The following PDE10A variants were observed in gnomAD, a reference collection of about 807,000 sequenced individuals.
PDE10A encodes cAMP and cAMP-inhibited cGMP 3',5'-cyclic phosphodiesterase 10A.
Under a neutral mutation model 97.7 loss-of-function variants are expected in PDE10A, and 39 were observed. The ratio of observed to expected loss-of-function variants is 0.40; its 90% confidence interval spans 0.31 to 0.52. PDE10A has a LOEUF of 0.52. PDE10A is among the 20% of genes least tolerant of loss of function. The pLI, the probability that PDE10A is intolerant of heterozygous loss-of-function variation, is 0.56. For missense variants in PDE10A, 731 were observed against 1,047.8 expected, an observed-to-expected ratio of 0.70 and a Z score of 4.17; for synonymous variants, 371 against 376.8, an observed-to-expected ratio of 0.98 and a Z score of 0.18.
At chr6:165,567,064 G>T (rs1392273716) in intron 1 of PDE10A, among the ~76,000 whole-genome samples, 3 of 152,118 alleles carry the variant, frequency 2.0e-5, no homozygotes, top group African/African-American at 7.2e-5. Flanking sequence ...GTCAACATTA[G>T]AACAGATAAA....
intron 1 of PDE10A, among the ~76,000 whole-genome samples, chr6:165,808,384 C>T (rs2128466844): frequency 6.7e-6 from 1 of 149,420 alleles, no homozygotes; most frequent in Middle Eastern, 3.4e-3. Flanking sequence ...GCGATTCACA[C>T]AGACAGCGGG....
At chr6:165,419,869 A>G (rs1788572156) in intron 10 of PDE10A, among the ~76,000 whole-genome samples, 1 of 152,218 alleles carries the variant, frequency 6.6e-6, no homozygotes. Flanking sequence ...ATCTCATATA[A>G]AATGTATAGA....
At chr6:165,364,047 T>A (rs980530181) in intron 18 of PDE10A, among the ~76,000 whole-genome samples, 2 of 152,128 alleles carry the variant, frequency 1.3e-5, no homozygotes, top group African/African-American at 4.8e-5. Flanking sequence ...CCCAGAATAG[T>A]GAAAACAATA....
intron 1 of PDE10A, among the ~76,000 whole-genome samples, chr6:165,826,182 T>C (rs144868567): frequency 6.6e-6 from 1 of 152,294 alleles, no homozygotes; most frequent in Non-Finnish European, 1.5e-5. Context: ...CCTTGCCTTT[T>C]ATTTTCCTCA....
chr6:165,735,369 G>C (rs1049332109), intron 1 of PDE10A, among the ~76,000 whole-genome samples: 4 of 87,242 alleles, frequency 4.6e-5, no homozygotes, highest in Non-Finnish European at 1.4e-4. Flanking sequence ...TAGGTGGGTG[G>C]GTAGGTAGGT....
intron 1 of PDE10A, among the ~76,000 whole-genome samples, chr6:165,955,958 C>T (rs548041411): frequency 6.6e-6 from 1 of 152,332 alleles, no homozygotes; most frequent in South Asian, 2.1e-4. Flanking sequence ...GCTACAACTT[C>T]TGAGCATATT....
chr6:165,540,508 T>C (rs556052442), intron 2 of PDE10A, among the ~76,000 whole-genome samples: 8 of 152,292 alleles, frequency 5.3e-5, no homozygotes, highest in African/African-American at 1.9e-4. Context: ...TCTGCCACAG[T>C]TTCTGTTCCT....
intron 1 of PDE10A, among the ~76,000 whole-genome samples, chr6:165,555,112 A>C (rs1462353491): frequency 6.6e-6 from 1 of 152,172 alleles, no homozygotes; most frequent in Non-Finnish European, 1.5e-5. Context: ...TTGATACCAC[A>C]TTAGGGTGAC....
chr6:165,955,177 C>T lies in PDE10A; in HGVS notation c.-615+32352G>A, dbSNP rs150878038. On this transcript the variant is annotated intron_variant, in intron 1 of 19. Coordinates refer to the PDE10A transcript ENST00000366882. The stretch of plus-strand genomic sequence containing the variant: ...TCGCACTCACCTTGGGGCTACAATC[C>T]CCAAGTTCTCCACATAGCCCGAGGG... Among the ~76,000 whole-genome samples the T allele has an allele frequency of 2.4e-4, 36 of 152,240 alleles. No homozygotes were observed. In the East Asian group the frequency reaches 6.6e-3, roughly 28 times the overall value.
Position 165,416,481 on chromosome 6 carries a change from G to A in PDE10A, c.1797-200C>T, listed in dbSNP as rs551516488. Reference sequence around the variant, plus strand: ...GAAAACCATTACACAGTAATCACCTGAGAACCTTAAAATATTAACTCACAA... The same window carrying A: ...GAAAACCATTACACAGTAATCACCTAAGAACCTTAAAATATTAACTCACAA... On this transcript the variant is annotated intron_variant, in intron 11 of 21. Transcript: ENST00000539869. 5.3e-5 allele frequency among the ~76,000 whole-genome samples: 8 copies of A among 152,272 alleles called. No individual in the cohort carries two copies. The South Asian group carries it at 1.7e-3, about 32-fold the overall frequency.
chr6:165,582,907 C>A (rs1034521737), intron 1 of PDE10A, among the ~76,000 whole-genome samples: 2 of 152,148 alleles, frequency 1.3e-5, no homozygotes, highest in African/African-American at 4.8e-5. Context: ...AGTATGTTTT[C>A]CTGTGTGTCT....
intron 1 of PDE10A, among the ~76,000 whole-genome samples, chr6:165,803,518 A>T (rs9347089): frequency 6.6e-6 from 1 of 152,152 alleles, no homozygotes; most frequent in Non-Finnish European, 1.5e-5. Context: ...TCATGTCTAC[A>T]TCCCAGTATT....
rs961292336 is a variant in PDE10A, at chr6:165,330,165, T to A, written c.*2860A>T. 2.6e-5 allele frequency: 4 copies of A among 152,294 alleles called. No individual in the cohort carries two copies. The highest frequency in any genetic ancestry group is 2.1e-4 in the South Asian group (1 of 4,828). 9.4% of individuals were successfully genotyped at this position (152,294 alleles called of 1,614,324 possible). On this transcript the variant is annotated 3_prime_UTR_variant, in exon 22 of 22. Coordinates refer to ENST00000539869, the MANE Select transcript of PDE10A (RefSeq NM_001385079.1). ...TAAACCAACATAACCAACAAAAGTA[T>A]CTGCAAATTGAATATCCTACATATG...
chr6:165,359,468 G>T (rs1278223139), intron 18 of PDE10A, among the ~76,000 whole-genome samples: 1 of 150,556 alleles, frequency 6.6e-6, no homozygotes, highest in African/African-American at 2.5e-5. Flanking sequence ...ATTTTACCCT[G>T]TTTGTTACGT....
At chr6:165,616,903 A>C (rs1787750049) in intron 1 of PDE10A, among the ~76,000 whole-genome samples, 1 of 152,230 alleles carries the variant, frequency 6.6e-6, no homozygotes, top group Non-Finnish European at 1.5e-5. Flanking sequence ...TTTTACTAAA[A>C]ATAAATATAT....
chr6:165,763,436 C>T (rs1002214525), intron 1 of PDE10A, among the ~76,000 whole-genome samples: 3 of 151,272 alleles, frequency 2.0e-5, no homozygotes, highest in Admixed American at 2.0e-4. Flanking sequence ...GATTCTCGTG[C>T]CTCAGCCCCC....
chr6:165,701,891 T>C (rs1232248545), intron 1 of PDE10A, among the ~76,000 whole-genome samples: 1 of 152,054 alleles, frequency 6.6e-6, no homozygotes, highest in Non-Finnish European at 1.5e-5. Flanking sequence ...TGATGAATGA[T>C]GGTTACTGAA....
At chr6:165,829,006 G>A (rs1306862092) in intron 1 of PDE10A, among the ~76,000 whole-genome samples, 1 of 152,226 alleles carries the variant, frequency 6.6e-6, no homozygotes, top group Admixed American at 6.5e-5. Flanking sequence ...ATTCCACTTT[G>A]ATTGGGCTGG....
chr6:165,898,974 C>T (rs982411310), intron 1 of PDE10A, among the ~76,000 whole-genome samples: 7 of 152,172 alleles, frequency 4.6e-5, no homozygotes, highest in African/African-American at 1.4e-4. Context: ...CAAAGGCCTT[C>T]GGGGACCCCA....
Sources: allele counts gnomAD v4.1 joint callset (sites outside exome capture counted in the v4.1 genomes callset), GRCh38; gene constraint gnomAD v4.1.1; transcripts MANE v1.5; gene names NCBI Gene and HGNC (gene_info 2026-07-23, HGNC 2026-07-21).